FAM174A: variants seen among roughly 807,000 people sequenced by gnomAD.
FAM174A encodes membrane protein FAM174A.
Under a neutral mutation model 14.3 loss-of-function variants are expected in FAM174A, and 14 were observed. That is an observed-to-expected ratio of 0.98 (90% CI 0.65 to 1.53). The LOEUF (loss-of-function observed/expected upper bound fraction) is 1.53. Ranked by LOEUF, FAM174A falls within the 40% of genes most tolerant of loss-of-function variation. The pLI is 0.00. For missense variants in FAM174A, 241 were observed against 249.6 expected (o/e 0.97, Z 0.23); for synonymous variants, 108 against 111.4 (o/e 0.97, Z 0.19).
chr5:100,573,528 G>C lies in FAM174A; in HGVS notation c.569+11340G>C, dbSNP rs1746838233. On this transcript the variant is annotated intron_variant, in intron 2 of 2. Transcript: ENST00000312637. ...GAATACAACTTACAAGGGATGTGAAGGACCTCTTCAAGGAGAACTACAAAC... is the reference window on the plus strand; with the variant it reads ...GAATACAACTTACAAGGGATGTGAACGACCTCTTCAAGGAGAACTACAAAC... Among the ~76,000 whole-genome samples the C allele has an allele frequency of 6.6e-5, 10 of 151,964 alleles. No individual in the cohort carries two copies. The South Asian group carries it at 2.1e-3, about 32-fold the overall frequency.
In FAM174A at chr5:100,550,067, G is replaced by A. The variant is rs372794255; in HGVS notation, c.435-11987G>A. ...AACTTCAGTTATTCATAGTGTATAT[G>A]AGGAAAACTGTGTTTTTAGAATATG... is the stretch of plus-strand genomic sequence containing the variant. On this transcript the variant is annotated intron_variant, in intron 1 of 2. Coordinates refer to ENST00000312637, the MANE Select transcript of FAM174A (RefSeq NM_198507.3). Among the ~76,000 whole-genome samples the A allele has an allele frequency of 1.8e-4, 28 of 152,212 alleles. No homozygotes were observed. The East Asian group carries it at 3.7e-3, about 20-fold the overall frequency.
At chr5:100,565,529 A>C (rs1248217582) in intron 2 of FAM174A, among the ~76,000 whole-genome samples, 1 of 151,808 alleles carries the variant, frequency 6.6e-6, no homozygotes, top group Non-Finnish European at 1.5e-5. Context: ...TGACCCCTGT[A>C]CTCTGTTGGT....
chr5:100,571,699 C>A (rs1415332079), intron 2 of FAM174A, among the ~76,000 whole-genome samples: 1 of 127,028 alleles, frequency 7.9e-6, no homozygotes, highest in African/African-American at 2.7e-5. Flanking sequence ...TATACACACA[C>A]ACACCCTATT....
intron 2 of FAM174A, among the ~76,000 whole-genome samples, chr5:100,582,868 CTG>C (rs1414408038): frequency 1.3e-5 from 2 of 152,078 alleles, no homozygotes; most frequent in Non-Finnish European, 2.9e-5. Flanking sequence ...AAATGAATAA[CTG>C]TTGTTGGCTC....
intron 2 of FAM174A, among the ~76,000 whole-genome samples, chr5:100,581,588 T>A (rs572665312): frequency 6.6e-6 from 1 of 152,322 alleles, no homozygotes; most frequent in African/African-American, 2.4e-5. Context: ...TGCTTAAGGC[T>A]GGAAGAGAAT....
chr5:100,540,347 T>C (rs577108964), intron 1 of FAM174A, among the ~76,000 whole-genome samples: 100 of 152,320 alleles, frequency 6.6e-4, no homozygotes, highest in African/African-American at 2.1e-3. Flanking sequence ...GTGCCATTAC[T>C]AAGCTCTGTG....
At chr5:100,542,926 A>T (rs989247781) in intron 1 of FAM174A, among the ~76,000 whole-genome samples, 4 of 151,370 alleles carry the variant, frequency 2.6e-5, no homozygotes, top group Non-Finnish European at 5.9e-5. Context: ...GTGTGTGTGT[A>T]ATATATATGT....
chr5:100,566,151 T>TATAC (rs1358756441), intron 2 of FAM174A, among the ~76,000 whole-genome samples: 9 of 119,998 alleles, frequency 7.5e-5, no homozygotes, highest in African/African-American at 1.1e-4. Flanking sequence ...GATATATATA[T>TATAC]ATATATATAT....
At chr5:100,555,950 G>T (rs1380619686) in intron 1 of FAM174A, among the ~76,000 whole-genome samples, 10 of 152,042 alleles carry the variant, frequency 6.6e-5, no homozygotes, top group East Asian at 1.9e-4. Context: ...AGTTTAATTG[G>T]ATCCCATTTG....
chr5:100,563,301 G>A (rs1402045029), intron 2 of FAM174A, among the ~76,000 whole-genome samples: 1 of 151,494 alleles, frequency 6.6e-6, no homozygotes, highest in Non-Finnish European at 1.5e-5. Context: ...AAAAGGGACA[G>A]AAACTGATAT....
At chr5:100,567,198 T>C (rs1035089886) in intron 2 of FAM174A, among the ~76,000 whole-genome samples, 1 of 151,906 alleles carries the variant, frequency 6.6e-6, no homozygotes, top group Admixed American at 6.6e-5. Context: ...CCCAATTTAC[T>C]TAATAAATAA....
chr5:100,540,572 TG>T (rs1157557146), intron 1 of FAM174A, among the ~76,000 whole-genome samples: 1 of 152,182 alleles, frequency 6.6e-6, no homozygotes, highest in Non-Finnish European at 1.5e-5. Flanking sequence ...TCGCAAGTAA[TG>T]AATATTTTTT....
intron 1 of FAM174A, among the ~76,000 whole-genome samples, chr5:100,550,859 C>T (rs781455652): frequency 6.6e-6 from 1 of 152,102 alleles, no homozygotes; most frequent in Non-Finnish European, 1.5e-5. Context: ...GCATGGCCAT[C>T]ATGAGGAACT....
At chr5:100,541,299 G>A (rs1405634919) in intron 1 of FAM174A, among the ~76,000 whole-genome samples, 1 of 152,114 alleles carries the variant, frequency 6.6e-6, no homozygotes, top group Non-Finnish European at 1.5e-5. Context: ...TTTGGAGAAG[G>A]CTGCTCTTAA....
intron 2 of FAM174A, among the ~76,000 whole-genome samples, chr5:100,572,597 C>T (rs540389259): frequency 6.9e-4 from 105 of 152,030 alleles, no homozygotes; most frequent in African/African-American, 2.5e-3. Flanking sequence ...TTTTTTATGG[C>T]TGCATAGTAT....
chr5:100,572,790 T>C (rs1292018199), intron 2 of FAM174A, among the ~76,000 whole-genome samples: 1 of 152,184 alleles, frequency 6.6e-6, no homozygotes, highest in Non-Finnish European at 1.5e-5. Flanking sequence ...CTGGGTCAAA[T>C]GGCATTTCCA....
Position 100,562,091 on chromosome 5 carries a change from G to A in FAM174A, c.472G>A (p.Val158Ile), listed in dbSNP as rs190913300. ...RRNRKTRRYG[V>I]LDTNIENMEL... ...AAACCGAAAGACTAGGAGATATGGAGTTTTGGACACTAACATAGAAAATAT... is the reference window on the plus strand; with the variant it reads ...AAACCGAAAGACTAGGAGATATGGAATTTTGGACACTAACATAGAAAATAT... Residue 158 changes from valine (V) to isoleucine (I), a missense_variant, in exon 2 of 3, where the codon GTT (valine) becomes ATT (isoleucine). Val to Ile is a conservative substitution (Grantham distance 29). Transcript: ENST00000312637. The A allele has an allele frequency of 6.3e-7, 1 of 1,586,982 alleles. No individual in the cohort carries two copies. Among genetic ancestry groups the A allele is most frequent in the African/African-American group, 1.4e-5 (1 of 72,892 alleles).
At chr5:100,573,094 G>T (rs1746826349) in intron 2 of FAM174A, among the ~76,000 whole-genome samples, 1 of 152,022 alleles carries the variant, frequency 6.6e-6, no homozygotes, top group Non-Finnish European at 1.5e-5. Flanking sequence ...CTTTTTGATG[G>T]GGTTATTTGT....
chr5:100,559,448 G>A (rs1156393517), intron 1 of FAM174A, among the ~76,000 whole-genome samples: 1 of 151,938 alleles, frequency 6.6e-6, no homozygotes, highest in Non-Finnish European at 1.5e-5. Flanking sequence ...GTATCTTTGT[G>A]GCGTTCTCTG....
Sources: gnomAD v4.1 joint callset for allele counts (sites outside exome capture counted in the v4.1 genomes callset) on GRCh38, gnomAD v4.1.1 for gene constraint, MANE v1.5 for transcripts, NCBI Gene and HGNC (gene_info 2026-07-23, HGNC 2026-07-21) for gene names.